Variants in ZFP14 observed in about 807,000 individuals in gnomAD.
ZFP14 encodes the protein zinc finger protein 14 homolog.
Under a neutral mutation model 54.5 loss-of-function variants are expected in ZFP14, and 22 were observed. The ratio of observed to expected loss-of-function variants is 0.40; its 90% confidence interval spans 0.29 to 0.58. The LOEUF is 0.58. ZFP14 is among the 20% of genes least tolerant of loss of function. The pLI is 0.39. For missense variants in ZFP14, 470 were observed against 637.8 expected (o/e 0.74, Z 2.83); for synonymous variants, 159 against 204.0 (o/e 0.78, Z 1.88).
intron 2 of ZFP14, among the ~76,000 whole-genome samples, chr19:36,364,603 C>T (rs2145558142): frequency 6.6e-6 from 1 of 152,222 alleles, no homozygotes; most frequent in South Asian, 2.1e-4. Context: ...TGTCAAGGCA[C>T]ACATGAAAGT....
Position 36,372,613 on chromosome 19 carries a change from G to T in ZFP14, c.-79-4642C>A, listed in dbSNP as rs199882777. 8.5e-5 allele frequency among the ~76,000 whole-genome samples: 13 copies of T among 152,260 alleles called. No individual in the cohort carries two copies. The East Asian group carries it at 2.5e-3, about 29-fold the overall frequency. On this transcript the variant is annotated intron_variant, in intron 1 of 4. Transcript: ENST00000270001. The stretch of plus-strand genomic sequence containing the variant: ...CATGCCTGTAACCCCAACATTTTGG[G>T]AAGCCAGTCATTATGACAAACAGTA...
intron 2 of ZFP14, among the ~76,000 whole-genome samples, chr19:36,363,959 C>T (rs1391755916): frequency 6.6e-6 from 1 of 151,240 alleles, no homozygotes; most frequent in African/African-American, 2.4e-5. Flanking sequence ...TACTGCACTC[C>T]AGCCTAGGCG....
Position 36,360,465 on chromosome 19 carries a change from C to T in ZFP14, c.205G>A (p.Val69Met), listed in dbSNP as rs1338780867. 1 of 1,613,714 alleles carries T rather than the reference C, an allele frequency of 6.2e-7. No homozygotes were observed. ...CAGTATCTTCTTGTCCCTTCCCTCA[C>T]AACCATCCCAGGTTCCTTCCTTTCT... ...DEERKEPGMVVREGTRRYCPD... is the reference protein window; with the variant it reads ...DEERKEPGMVMREGTRRYCPD... The change falls in exon 4 of 5, where the codon GTG becomes ATG. Residue 69 changes from valine to methionine, a missense_variant. Physicochemically the swap from Val to Met is conservative, Grantham distance 21. Transcript: ENST00000270001.
At chr19:36,366,796 T>C (rs568760581) in intron 2 of ZFP14, among the ~76,000 whole-genome samples, 23 of 152,312 alleles carry the variant, frequency 1.5e-4, no homozygotes, top group African/African-American at 2.4e-4. Flanking sequence ...CATACACTTA[T>C]GGTTTGTATA....
chr19:36,373,287 AAAC>A, intron 1 of ZFP14, among the ~76,000 whole-genome samples: 1 of 151,834 alleles, frequency 6.6e-6, no homozygotes, highest in South Asian at 2.1e-4. Flanking sequence ...CAAAAAAAAA[AAAC>A]AAAAAAACAA....
chr19:36,358,111 CTATCTATTT>C (rs1228897696), intron 4 of ZFP14, among the ~76,000 whole-genome samples: 44 of 150,166 alleles, frequency 2.9e-4, no homozygotes, highest in African/African-American at 1.0e-3. Context: ...ATCTATCTAT[CTATCTATTT>C]TATTTTTTGA....
At chr19:36,359,247 A>G (rs2031669925) in intron 4 of ZFP14, among the ~76,000 whole-genome samples, 2 of 152,298 alleles carry the variant, frequency 1.3e-5, no homozygotes, top group South Asian at 4.1e-4. Context: ...TCATTTTTGT[A>G]TATCATTATA....
chr19:36,354,272 G>A (rs188518585), intron 4 of ZFP14, among the ~76,000 whole-genome samples: 1 of 137,526 alleles, frequency 7.3e-6, no homozygotes, highest in East Asian at 2.2e-4. Context: ...TTAGGAGGCT[G>A]AGACAGGAGT....
Position 36,336,654 on chromosome 19 carries a change from G to C in ZFP14, c.*3570C>G, listed in dbSNP as rs915453830. 1 of 152,198 alleles carries C rather than the reference G, an allele frequency of 6.6e-6. No individual in the cohort carries two copies. The highest frequency in any genetic ancestry group is 6.5e-5 in the Admixed American group (1 of 15,278). The allele number at this position is 152,198 out of a possible 1,614,324, so 9.4% of individuals were successfully genotyped here. A position where few individuals can be genotyped will look rare whatever the true frequency, so the allele number is the denominator to read the frequency against. On this transcript the variant is annotated 3_prime_UTR_variant, in exon 5 of 5. Transcript: ENST00000270001. ...GTGTGACAGGCCTGGTGTTGCTGCT[G>C]TGGGTAAGTGAAGAAGATGAAGACT... is the stretch of plus-strand genomic sequence containing the variant.
At chr19:36,348,193 A>G (rs1345768174) in intron 4 of ZFP14, among the ~76,000 whole-genome samples, 4 of 152,238 alleles carry the variant, frequency 2.6e-5, no homozygotes, top group African/African-American at 9.6e-5. Flanking sequence ...CCATGTAATA[A>G]TACTACAGGG....
intron 3 of ZFP14, 110 bp from the exon 4 acceptor site, chr19:36,360,643 A>G: frequency 1.0e-6 from 1 of 953,500 alleles, no homozygotes; most frequent in Non-Finnish European, 1.5e-6. Flanking sequence ...TATAAAGCCT[A>G]GGAGCGAAGA....
intron 4 of ZFP14, among the ~76,000 whole-genome samples, chr19:36,348,176 T>C (rs1406326346): frequency 6.6e-6 from 1 of 152,122 alleles, no homozygotes. Context: ...AAATAAGTAA[T>C]TGGGTGCCAT....
chr19:36,340,616 T>G lies in ZFP14; in HGVS notation c.1210A>C (p.Thr404Pro). Reference protein sequence around the residue: ...KPYECMECWKTFSSYSQLISH... With the variant: ...KPYECMECWKPFSSYSQLISH... ...ATAAGCTGTGAGTAACTACTAAAGG[T>G]CTTCCAACATTCCATACATTCATAG... is the stretch of plus-strand genomic sequence containing the variant. Residue 404 changes from threonine (T) to proline (P), a missense_variant, in exon 5 of 5, where the codon ACC becomes CCC. By Grantham distance (38) the Thr-to-Pro change is conservative (BLOSUM62 -1). Transcript: ENST00000270001. This position sits in a 1 kb window ranked among gnomAD's most constrained non-coding sequence, Gnocchi z 5.4. 1 of 1,613,980 alleles carries G rather than the reference T, an allele frequency of 6.2e-7. No homozygotes were observed. Among genetic ancestry groups the G allele is most frequent in the Non-Finnish European group, 8.5e-7 (1 of 1,179,980 alleles).
intron 4 of ZFP14, among the ~76,000 whole-genome samples, chr19:36,343,752 C>A (rs1180453407): frequency 6.6e-6 from 1 of 152,190 alleles, no homozygotes; most frequent in African/African-American, 2.4e-5. Flanking sequence ...TTGCTGGTGA[C>A]AACCCTGCAG....
chr19:36,336,793 T>C lies in ZFP14; in HGVS notation c.*3431A>G, dbSNP rs570445593. 6.9e-6 allele frequency: 1 copy of C among 145,784 alleles called. No homozygotes were observed. The highest frequency in any genetic ancestry group is 2.0e-4 in the East Asian group (1 of 4,930). The allele number at this position is 145,784 out of a possible 1,614,324, so 9.0% of individuals were successfully genotyped here. ...TGCAGGCATCTCACTGTCATTCATT[T>C]CTACATAGTCTATAATTTTGGTTTT... On this transcript the variant is annotated 3_prime_UTR_variant, in exon 5 of 5. Transcript: ENST00000270001.
At chr19:36,347,335 C>T (rs900896040) in intron 4 of ZFP14, among the ~76,000 whole-genome samples, 5 of 152,116 alleles carry the variant, frequency 3.3e-5, no homozygotes, top group Admixed American at 6.6e-5. Flanking sequence ...CAAGGCTGGG[C>T]GCAATGGCTC....
chr19:36,342,793 C>CAG (rs36105688), intron 4 of ZFP14, among the ~76,000 whole-genome samples: 65,371 of 151,660 alleles, frequency 0.43, 14,051 homozygotes, highest in Admixed American at 0.46. Context: ...TTTCTTAAAA[C>CAG]GGGTGAAAGG....
At chr19:36,346,619 G>C (rs1428070933) in intron 4 of ZFP14, among the ~76,000 whole-genome samples, 1 of 152,026 alleles carries the variant, frequency 6.6e-6, no homozygotes, top group Non-Finnish European at 1.5e-5. Context: ...ACCATGCCCA[G>C]CTAATTTTTT....
chr19:36,343,932 A>G (rs1019772327), intron 4 of ZFP14, among the ~76,000 whole-genome samples: 3 of 152,144 alleles, frequency 2.0e-5, no homozygotes, highest in African/African-American at 7.2e-5. Flanking sequence ...GATCCCACCC[A>G]TTGGGGATTA....
Sources: allele counts gnomAD v4.1 joint callset (sites outside exome capture counted in the v4.1 genomes callset), GRCh38; gene constraint gnomAD v4.1.1; non-coding constraint Gnocchi (gnomAD v3.1); transcripts MANE v1.5; gene names NCBI Gene and HGNC (gene_info 2026-07-23, HGNC 2026-07-21).